RBFOX1: variants seen among roughly 807,000 people sequenced by gnomAD.
RBFOX1 encodes the protein RNA binding protein fox-1 homolog 1.
A neutral mutation model predicts 57.7 loss-of-function variants in RBFOX1; 8 were observed. That is an observed-to-expected ratio of 0.14 (90% CI 0.08 to 0.25). The LOEUF (loss-of-function observed/expected upper bound fraction) is 0.25. Among genes scored for constraint, RBFOX1 ranks in the 10% least tolerant of loss-of-function variants. The probability of loss-of-function intolerance (pLI) is 1.00; values close to 1 mark genes in which losing one functional copy is unlikely to be tolerated. For synonymous variants in RBFOX1, 326 were observed against 222.4 expected, an observed-to-expected ratio of 1.47 and a Z score of -4.15; for missense variants, 611 against 548.5, an observed-to-expected ratio of 1.11 and a Z score of -1.14.
chr16:7,499,068 G>T (rs1036574021), intron 4 of RBFOX1, among the ~76,000 whole-genome samples: 2 of 152,106 alleles, frequency 1.3e-5, no homozygotes, highest in Non-Finnish European at 2.9e-5. Flanking sequence ...ATTTCCCAGG[G>T]CTACGAAAAC....
chr16:5,961,627 C>G (rs2059751650), intron 4 of RBFOX1, among the ~76,000 whole-genome samples: 1 of 152,120 alleles, frequency 6.6e-6, no homozygotes, highest in Non-Finnish European at 1.5e-5. Context: ...TCAAACAATC[C>G]TCCCACCTCA....
chr16:5,609,308 A>T (rs1419046171), intron 3 of RBFOX1, among the ~76,000 whole-genome samples: 1 of 152,152 alleles, frequency 6.6e-6, no homozygotes, highest in African/African-American at 2.4e-5. Context: ...TGAATTTCCA[A>T]TACGCCATCA....
At chr16:6,293,632 T>C (rs113720217) in intron 1 of RBFOX1, among the ~76,000 whole-genome samples, 4 of 152,214 alleles carry the variant, frequency 2.6e-5, no homozygotes, top group African/African-American at 9.6e-5. Flanking sequence ...TTAGTGTCTT[T>C]TAATAGAGGT....
At chr16:5,495,707 C>T (rs984908975) in intron 2 of RBFOX1, among the ~76,000 whole-genome samples, 1 of 152,238 alleles carries the variant, frequency 6.6e-6, no homozygotes, top group Non-Finnish European at 1.5e-5. Flanking sequence ...ACCACACACC[C>T]ATCAGTACCA....
chr16:5,773,700 A>C (rs1163300408), intron 3 of RBFOX1, among the ~76,000 whole-genome samples: 1 of 152,008 alleles, frequency 6.6e-6, no homozygotes. Context: ...GTGCATTTTT[A>C]TTTTATTTTA....
At chr16:6,795,447 G>A (rs542081565) in intron 3 of RBFOX1, among the ~76,000 whole-genome samples, 2 of 152,004 alleles carry the variant, frequency 1.3e-5, no homozygotes, top group South Asian at 2.1e-4. Context: ...TTTAAGTTAC[G>A]TCTTTATCAA....
At chr16:5,949,049 G>C (rs1057159924) in intron 4 of RBFOX1, among the ~76,000 whole-genome samples, 1 of 152,028 alleles carries the variant, frequency 6.6e-6, no homozygotes, top group African/African-American at 2.4e-5. Context: ...ATTATGGGGG[G>C]TGTACTCTTT....
chr16:7,506,470 G>A (rs1355175366), intron 4 of RBFOX1, among the ~76,000 whole-genome samples: 1 of 152,060 alleles, frequency 6.6e-6, no homozygotes, highest in African/African-American at 2.4e-5. Context: ...ATTGAATTTT[G>A]TATGCTTGGT....
intron 3 of RBFOX1, among the ~76,000 whole-genome samples, chr16:6,847,824 A>C (rs1054869448): frequency 6.6e-6 from 1 of 152,018 alleles, no homozygotes; most frequent in African/African-American, 2.4e-5. Context: ...AATTATTCCC[A>C]CCAAGACTTC....
intron 3 of RBFOX1, among the ~76,000 whole-genome samples, chr16:5,634,698 G>A (rs2151313273): frequency 6.6e-6 from 1 of 152,260 alleles, no homozygotes; most frequent in Middle Eastern, 3.4e-3. Flanking sequence ...CAGCAAATTG[G>A]GATGGGGAGC....
At chr16:6,721,764 C>T (rs565519498) in intron 3 of RBFOX1, 3 of 152,006 alleles carry the variant, frequency 2.0e-5, no homozygotes, top group Non-Finnish European at 4.4e-5. Flanking sequence ...TTTTTTGACC[C>T]AGGCACTGGC....
chr16:7,107,648 C>A (rs528383617), intron 4 of RBFOX1, among the ~76,000 whole-genome samples: 5 of 152,198 alleles, frequency 3.3e-5, no homozygotes, highest in Admixed American at 3.3e-4. Flanking sequence ...TTCCACCCTC[C>A]CCAAAACAAC....
chr16:5,700,804 C>T (rs1164150705), intron 3 of RBFOX1, among the ~76,000 whole-genome samples: 1 of 152,104 alleles, frequency 6.6e-6, no homozygotes, highest in African/African-American at 2.4e-5. Flanking sequence ...TTCAGTTATC[C>T]TTCCTATGAT....
chr16:7,542,832 A>G (rs1209556281), intron 5 of RBFOX1, among the ~76,000 whole-genome samples: 1 of 150,192 alleles, frequency 6.7e-6, no homozygotes, highest in Non-Finnish European at 1.5e-5. Context: ...ATAGAGGAAC[A>G]GAGGGGAGAG....
intron 3 of RBFOX1, among the ~76,000 whole-genome samples, chr16:6,907,695 T>A (rs1412352935): frequency 2.0e-5 from 3 of 152,092 alleles, no homozygotes; most frequent in Admixed American, 2.0e-4. Flanking sequence ...CTCAGCCTCC[T>A]GAGTAGCTGG....
intron 4 of RBFOX1, among the ~76,000 whole-genome samples, chr16:5,913,212 A>C (rs1032792982): frequency 6.6e-6 from 1 of 152,156 alleles, no homozygotes; most frequent in Non-Finnish European, 1.5e-5. Context: ...GGTGCATGAC[A>C]CCATCTTATT....
intron 3 of RBFOX1, among the ~76,000 whole-genome samples, chr16:6,940,712 C>G (rs59788714): frequency 0.22 from 32,865 of 151,490 alleles, 4,319 homozygotes; most frequent in African/African-American, 0.37. Context: ...ATTCTCCTGC[C>G]TCAGCCTCCC....
At chr16:7,578,423 CTT>C (rs1356495315) in intron 5 of RBFOX1, among the ~76,000 whole-genome samples, 1 of 152,178 alleles carries the variant, frequency 6.6e-6, no homozygotes, top group Non-Finnish European at 1.5e-5. Flanking sequence ...AACAAGATGT[CTT>C]TATTTCAAAA....
intron 4 of RBFOX1, among the ~76,000 whole-genome samples, chr16:7,110,839 T>C (rs1056516690): frequency 6.6e-6 from 1 of 152,216 alleles, no homozygotes; most frequent in African/African-American, 2.4e-5. Flanking sequence ...TTTATTCTAG[T>C]ATATAACTGG....
Sources: allele counts gnomAD v4.1 joint callset (sites outside exome capture counted in the v4.1 genomes callset), GRCh38; gene constraint gnomAD v4.1.1; transcripts MANE v1.5; gene names NCBI Gene and HGNC (gene_info 2026-07-23, HGNC 2026-07-21).